NALF1: variants seen among roughly 807,000 people sequenced by gnomAD.
The protein encoded by NALF1 is NALCN channel auxiliary factor 1.
In NALF1, 3 loss-of-function variants were observed where a neutral mutation model predicts 48.4. That is an observed-to-expected ratio of 0.06 (90% confidence interval 0.03 to 0.16). The LOEUF is 0.16. Among genes scored for constraint, NALF1 ranks in the 10% least tolerant of loss-of-function variants. The probability of loss-of-function intolerance (pLI) is 1.00; values close to 1 mark genes in which losing one functional copy is unlikely to be tolerated. For synonymous variants in NALF1, 262 were observed against 245.7 expected, an observed-to-expected ratio of 1.07 and a Z score of -0.62; for missense variants, 526 against 571.5, an observed-to-expected ratio of 0.92 and a Z score of 0.81.
At chr13:107,515,798 G>C (rs1375593203) in intron 1 of NALF1, among the ~76,000 whole-genome samples, 1 of 152,122 alleles carries the variant, frequency 6.6e-6, no homozygotes, top group Admixed American at 6.6e-5. Context: ...AATTACCCTG[G>C]TGTACTCACT....
intron 1 of NALF1, among the ~76,000 whole-genome samples, chr13:107,434,668 A>T (rs1884435828): frequency 6.6e-6 from 1 of 152,250 alleles, no homozygotes; most frequent in Non-Finnish European, 1.5e-5. Flanking sequence ...GTTGAAAATC[A>T]GCAAATCTTT....
chr13:107,288,865 G>A (rs573623420), intron 1 of NALF1, among the ~76,000 whole-genome samples: 156 of 152,124 alleles, frequency 1.0e-3, no homozygotes, highest in Non-Finnish European at 1.9e-3. Flanking sequence ...ATAGAAGCAA[G>A]CAATGATGCA....
At chr13:107,580,724 G>A (rs1878281707) in intron 1 of NALF1, among the ~76,000 whole-genome samples, 1 of 152,096 alleles carries the variant, frequency 6.6e-6, no homozygotes, top group South Asian at 2.1e-4. Context: ...CAAGTTTTGA[G>A]GAAAAAGCTT....
intron 2 of NALF1, among the ~76,000 whole-genome samples, chr13:107,197,400 G>A (rs1275165907): frequency 6.6e-6 from 1 of 152,156 alleles, no homozygotes; most frequent in East Asian, 1.9e-4. Flanking sequence ...CAAGCTAAGT[G>A]GGAAGTCAGA....
chr13:107,525,794 T>C (rs1470013245), intron 1 of NALF1, among the ~76,000 whole-genome samples: 2 of 152,142 alleles, frequency 1.3e-5, no homozygotes, highest in Non-Finnish European at 2.9e-5. Context: ...CTTGGTATTG[T>C]CTATATTTAA....
intron 1 of NALF1, among the ~76,000 whole-genome samples, chr13:107,660,499 A>G (rs9583187): frequency 1.5e-4 from 15 of 99,036 alleles, no homozygotes; most frequent in Middle Eastern, 7.9e-3. Flanking sequence ...AAGAAACAAA[A>G]AAACAAACAA....
intron 1 of NALF1, among the ~76,000 whole-genome samples, chr13:107,313,091 G>A (rs1220751663): frequency 6.6e-6 from 1 of 151,894 alleles, no homozygotes; most frequent in African/African-American, 2.4e-5. Flanking sequence ...CAGAATACTT[G>A]GAAGATAAAA....
Position 107,421,483 on chromosome 13 carries a change from A to T in NALF1, c.916-210728T>A, listed in dbSNP as rs1230775448. On this transcript the variant is annotated intron_variant, in intron 1 of 2. Transcript: ENST00000375915. ...TAAATTATAAATGAGAGATAAGATG[A>T]ATTATGCCAAGTATAATTTATTTCA... 2.0e-5 allele frequency among the ~76,000 whole-genome samples: 3 copies of T among 152,228 alleles called. No individual in the cohort carries two copies. In the East Asian group the frequency reaches 5.8e-4, roughly 29 times the overall value.
intron 1 of NALF1, among the ~76,000 whole-genome samples, chr13:107,654,133 A>G (rs1313515286): frequency 6.6e-6 from 1 of 152,138 alleles, no homozygotes; most frequent in Non-Finnish European, 1.5e-5. Flanking sequence ...TTGACAGACC[A>G]TTAGTGAGAT....
At chr13:107,579,715 CACAATGTGCAG>C (rs1878250426) in intron 1 of NALF1, among the ~76,000 whole-genome samples, 1 of 150,418 alleles carries the variant, frequency 6.6e-6, no homozygotes, top group African/African-American at 2.5e-5. Flanking sequence ...GGTACATGTG[CACAATGTGCAG>C]GTTAGTTACA....
chr13:107,737,123 T>G (rs1876489661), intron 1 of NALF1, among the ~76,000 whole-genome samples: 1 of 152,246 alleles, frequency 6.6e-6, no homozygotes, highest in Admixed American at 6.5e-5. Flanking sequence ...TAAGTCTTCG[T>G]AAATGGCATT....
At chr13:107,839,386 TA>T (rs1389257834) in intron 1 of NALF1, among the ~76,000 whole-genome samples, 3 of 147,378 alleles carry the variant, frequency 2.0e-5, no homozygotes, top group South Asian at 2.2e-4. Context: ...GCTTCCAATT[TA>T]AATCACTTAT....
intron 1 of NALF1, among the ~76,000 whole-genome samples, chr13:107,536,475 A>G (rs1019384917): frequency 2.1e-4 from 32 of 152,242 alleles, no homozygotes; most frequent in Admixed American, 2.0e-4. Flanking sequence ...GACACATGAA[A>G]AAATGCTCAT....
In NALF1 at chr13:107,624,626, C is replaced by G. The variant is rs937173571; in HGVS notation, c.915+241056G>C. ...ATATATAGATGTTTATAGAAGGATG[C>G]TTGGGTTCTTTCAAATTTTTGCTGT... On this transcript the variant is annotated intron_variant, in intron 1 of 2. Transcript: ENST00000375915. 1.3e-5 allele frequency among the ~76,000 whole-genome samples: 2 copies of G among 152,146 alleles called. 1 individual carries two copies. The highest frequency in any genetic ancestry group is 4.8e-5 in the African/African-American group (2 of 41,442).
intron 1 of NALF1, among the ~76,000 whole-genome samples, chr13:107,536,263 A>G (rs528112537): frequency 3.9e-5 from 6 of 152,272 alleles, no homozygotes; most frequent in African/African-American, 1.2e-4. Context: ...TGCACAGCAA[A>G]AGAAACTACC....
intron 1 of NALF1, among the ~76,000 whole-genome samples, chr13:107,525,821 C>A (rs982692530): frequency 6.6e-6 from 1 of 152,080 alleles, no homozygotes. Context: ...GTATTATAAA[C>A]ACTTAATTTT....
chr13:107,670,028 C>T (rs891834116), intron 1 of NALF1, among the ~76,000 whole-genome samples: 1 of 152,086 alleles, frequency 6.6e-6, no homozygotes, highest in Non-Finnish European at 1.5e-5. Context: ...CTCTTAAACA[C>T]CTTCAGAAAA....
chr13:107,677,980 T>C (rs1287841381), intron 1 of NALF1, among the ~76,000 whole-genome samples: 2 of 152,208 alleles, frequency 1.3e-5, no homozygotes, highest in African/African-American at 2.4e-5. Flanking sequence ...TCTGCCATGG[T>C]ATATTTTGAA....
intron 1 of NALF1, among the ~76,000 whole-genome samples, chr13:107,477,043 A>C (rs1324728473): frequency 2.0e-5 from 3 of 152,142 alleles, no homozygotes; most frequent in Non-Finnish European, 4.4e-5. Flanking sequence ...AGTCAATAAA[A>C]AGTCTAGTGA....
Sources: allele counts gnomAD v4.1 joint callset (sites outside exome capture counted in the v4.1 genomes callset), GRCh38; gene constraint gnomAD v4.1.1; transcripts MANE v1.5; gene names NCBI Gene and HGNC (gene_info 2026-07-23, HGNC 2026-07-21).